Variants in EHBP1 observed in about 807,000 individuals in gnomAD.
EHBP1 encodes the protein EH domain binding protein 1, also known as EH domain-binding protein 1.
Under a neutral mutation model 144.0 loss-of-function variants are expected in EHBP1, and 55 were observed. That is an observed-to-expected ratio of 0.38 (90% CI 0.31 to 0.48). EHBP1 has a LOEUF of 0.48. Ranked by LOEUF, EHBP1 falls within the 20% of genes least tolerant of loss-of-function variation. EHBP1 has a pLI of 0.98. For missense variants in EHBP1, 1,200 were observed against 1,364.2 expected (o/e 0.88, Z 1.90); for synonymous variants, 469 against 472.7 (o/e 0.99, Z 0.10).
chr2:62,712,170 A>C (rs1160893039), intron 2 of EHBP1, among the ~76,000 whole-genome samples: 1 of 152,198 alleles, frequency 6.6e-6, no homozygotes, highest in Non-Finnish European at 1.5e-5. Flanking sequence ...GATCCAGAAC[A>C]CAAGTGGAAA....
At chr2:62,875,251 GCCAGCAGA>G in intron 10 of EHBP1, among the ~76,000 whole-genome samples, 1 of 152,198 alleles carries the variant, frequency 6.6e-6, no homozygotes, top group South Asian at 2.1e-4. Flanking sequence ...GAGTGATCTT[GCCAGCAGA>G]CTGGGAACAT....
In EHBP1 at chr2:62,735,703, G is replaced by T. The variant is rs188366257; in HGVS notation, c.105-11692G>T. Among the ~76,000 whole-genome samples the T allele has an allele frequency of 3.3e-5, 5 of 152,192 alleles. No individual in the cohort carries two copies. In the East Asian group the frequency reaches 9.7e-4, roughly 29 times the overall value. ...AGCTCTTTTTAACATTTCTGGCAGG[G>T]CATACCTACTGGCAACAAAATCCAA... On this transcript the variant is annotated intron_variant, in intron 2 of 22. Transcript: ENST00000431489.
chr2:63,024,331 C>T (rs1483319759), intron 19 of EHBP1, among the ~76,000 whole-genome samples: 3 of 152,028 alleles, frequency 2.0e-5, no homozygotes, highest in East Asian at 1.9e-4. Flanking sequence ...ATGACAAGAG[C>T]GAGACTCCGT....
At chr2:62,863,668 T>C (rs1003189437) in intron 8 of EHBP1, among the ~76,000 whole-genome samples, 1 of 151,974 alleles carries the variant, frequency 6.6e-6, no homozygotes, top group African/African-American at 2.4e-5. Flanking sequence ...TTGAAAACTT[T>C]GAGAAAACAA....
chr2:62,724,702 C>A (rs1176135071), intron 2 of EHBP1, among the ~76,000 whole-genome samples: 2 of 151,702 alleles, frequency 1.3e-5, no homozygotes, highest in African/African-American at 2.4e-5. Flanking sequence ...AACCCCTGGG[C>A]CATGGACTAG....
At chr2:62,902,340 A>C (rs1016564418) in intron 10 of EHBP1, among the ~76,000 whole-genome samples, 7 of 152,296 alleles carry the variant, frequency 4.6e-5, no homozygotes, top group African/African-American at 1.2e-4. Flanking sequence ...GGGGAGGAAA[A>C]AGGAAAGAAA....
At chr2:62,928,262 A>C (rs1201917315) in intron 10 of EHBP1, among the ~76,000 whole-genome samples, 2 of 152,158 alleles carry the variant, frequency 1.3e-5, no homozygotes, top group Non-Finnish European at 2.9e-5. Flanking sequence ...TCCAGCCCTC[A>C]TGCTTTATCT....
At chr2:63,038,965 T>C (rs2061552508) in intron 21 of EHBP1, 149 bp downstream of exon 21, 1 of 633,674 alleles carries the variant, frequency 1.6e-6, no homozygotes, top group Middle Eastern at 2.8e-4. Context: ...GAAAGCAGTA[T>C]CCATATAAAC....
chr2:63,000,911 G>C (rs928930177), intron 19 of EHBP1, among the ~76,000 whole-genome samples: 2 of 151,980 alleles, frequency 1.3e-5, no homozygotes, highest in Non-Finnish European at 2.9e-5. Flanking sequence ...TTTCTTATTT[G>C]GGAAGAGCAA....
chr2:62,681,398 G>GTATATATATATAATGTGTATATATGTA (rs2033525890), intron 1 of EHBP1, among the ~76,000 whole-genome samples: 1 of 122,480 alleles, frequency 8.2e-6, no homozygotes, highest in Non-Finnish European at 1.7e-5. Flanking sequence ...GTGTATATAT[G>GTATATATATATAATGTGTATATATGTA]TATATATATA....
chr2:63,024,036 C>T (rs1172222468), intron 19 of EHBP1, among the ~76,000 whole-genome samples: 1 of 152,110 alleles, frequency 6.6e-6, no homozygotes, highest in Non-Finnish European at 1.5e-5. Flanking sequence ...GTAATCCAAG[C>T]ACTTTGGGAG....
intron 6 of EHBP1, among the ~76,000 whole-genome samples, chr2:62,829,997 C>A (rs2046684106): frequency 2.7e-5 from 4 of 150,662 alleles, no homozygotes; most frequent in Admixed American, 2.0e-4. Flanking sequence ...AGGGTATCTA[C>A]CCAGAAAAAA....
At chr2:63,014,259 G>A (rs2060391413) in intron 19 of EHBP1, among the ~76,000 whole-genome samples, 1 of 152,138 alleles carries the variant, frequency 6.6e-6, no homozygotes. Flanking sequence ...TTTACCAGGT[G>A]ATTTTGTTAT....
chr2:62,725,811 A>T (rs1433416457), intron 2 of EHBP1, among the ~76,000 whole-genome samples: 2 of 152,060 alleles, frequency 1.3e-5, no homozygotes, highest in African/African-American at 4.8e-5. Flanking sequence ...GGTTGTCATG[A>T]TTGGAGGTGG....
intron 14 of EHBP1, among the ~76,000 whole-genome samples, chr2:62,957,278 C>T (rs1457168384): frequency 6.6e-6 from 1 of 152,054 alleles, no homozygotes; most frequent in Admixed American, 6.6e-5. Context: ...AAAATATCAA[C>T]ATCCATTCAT....
chr2:62,916,894 G>T (rs775972644), intron 10 of EHBP1, among the ~76,000 whole-genome samples: 2 of 150,412 alleles, frequency 1.3e-5, no homozygotes, highest in Admixed American at 6.6e-5. Flanking sequence ...CAATTTAATA[G>T]CTATTACAAT....
chr2:62,764,211 A>C lies in EHBP1; in HGVS notation c.163-55A>C. 7 of 1,233,974 alleles carry C rather than the reference A, an allele frequency of 5.7e-6. No individual in the cohort carries two copies. The South Asian group carries it at 1.1e-4, about 20-fold the overall frequency. 76.4% of individuals were successfully genotyped at this position (1,233,974 alleles called of 1,614,324 possible). Reference sequence around the variant, plus strand: ...AGGTATCATTTTATTCTGGTAAATTACTAACATTGCATTTCCCATACTTCA... The same window carrying C: ...AGGTATCATTTTATTCTGGTAAATTCCTAACATTGCATTTCCCATACTTCA... On this transcript the variant is annotated intron_variant, in intron 3 of 22. Coordinates refer to ENST00000431489, the MANE Select transcript of EHBP1 (RefSeq NM_001142616.3).
chr2:62,751,023 G>C (rs531756334), intron 3 of EHBP1, among the ~76,000 whole-genome samples: 15 of 152,234 alleles, frequency 9.9e-5, no homozygotes, highest in Admixed American at 9.8e-4. Context: ...ACACTATGTT[G>C]AATAGGAGTG....
intron 5 of EHBP1, among the ~76,000 whole-genome samples, chr2:62,800,276 T>C (rs2043882681): frequency 1.3e-5 from 2 of 152,244 alleles, no homozygotes; most frequent in African/African-American, 2.4e-5. Context: ...TAATATGATA[T>C]AGTGTCTCTG....
Sources: gnomAD v4.1 joint callset for allele counts (sites outside exome capture counted in the v4.1 genomes callset) on GRCh38, gnomAD v4.1.1 for gene constraint, MANE v1.5 for transcripts, NCBI Gene and HGNC (gene_info 2026-07-23, HGNC 2026-07-21) for gene names.